Variants in GRM7 observed in about 807,000 individuals in gnomAD.
GRM7 encodes the protein metabotropic glutamate receptor 7.
GRM7 carries 35 observed loss-of-function variants against 84.5 expected under a neutral mutation model. The ratio of observed to expected loss-of-function variants is 0.41; its 90% confidence interval spans 0.32 to 0.55. The LOEUF (loss-of-function observed/expected upper bound fraction) is 0.55. GRM7 is among the 20% of genes least tolerant of loss of function. GRM7 has a pLI of 0.19. For missense variants in GRM7, 1,003 were observed against 1,194.6 expected (o/e 0.84, Z 2.36); for synonymous variants, 487 against 455.1 (o/e 1.07, Z -0.89).
At chr3:7,072,916 A>G (rs1255298890) in intron 1 of GRM7, among the ~76,000 whole-genome samples, 2 of 152,152 alleles carry the variant, frequency 1.3e-5, no homozygotes, top group Non-Finnish European at 2.9e-5. Flanking sequence ...ATAGATTCAG[A>G]TCATGACATT....
At chr3:6,983,347 A>T (rs1387725703) in intron 1 of GRM7, among the ~76,000 whole-genome samples, 1 of 152,166 alleles carries the variant, frequency 6.6e-6, no homozygotes, top group Non-Finnish European at 1.5e-5. Flanking sequence ...TGATATTTTC[A>T]GCCTGGAGGT....
Position 6,861,999 on chromosome 3 carries a change from G to A in GRM7, c.519+92G>A. On this transcript the variant is annotated intron_variant, in intron 1 of 9. Transcript: ENST00000357716. This position sits in a 1 kb window ranked among gnomAD's most constrained non-coding sequence, Gnocchi z 6.4. Reference sequence around the variant, plus strand: ...GCTTGGACTCCGGTGGTGCGGGTCAGGTCAGCCTTCGCTCATTTCCTCCCT... The same window carrying A: ...GCTTGGACTCCGGTGGTGCGGGTCAAGTCAGCCTTCGCTCATTTCCTCCCT... The A allele has an allele frequency of 3.7e-6, 4 of 1,091,730 alleles. No individual in the cohort carries two copies. Among genetic ancestry groups the A allele is most frequent in the South Asian group, 3.1e-5 (2 of 64,482 alleles). The allele number at this position is 1,091,730 out of a possible 1,614,324, so 67.6% of individuals were successfully genotyped here.
At chr3:7,012,232 C>T (rs1320375903) in intron 1 of GRM7, among the ~76,000 whole-genome samples, 1 of 152,154 alleles carries the variant, frequency 6.6e-6, no homozygotes, top group Non-Finnish European at 1.5e-5. Flanking sequence ...TCCTAGTTCA[C>T]TCAAGGCAGC....
rs989958247 is a variant in GRM7, at chr3:7,453,442, T to G, written c.1375+635T>G. 5.3e-5 allele frequency among the ~76,000 whole-genome samples: 8 copies of G among 152,244 alleles called. No individual in the cohort carries two copies. In the East Asian group the frequency reaches 1.5e-3, roughly 29 times the overall value. Reference sequence around the variant, plus strand: ...ATGGTCCGGCTATAAACTGGAATTTTCACAATCTCCTCCTCAGGTTTGATT... The same window carrying G: ...ATGGTCCGGCTATAAACTGGAATTTGCACAATCTCCTCCTCAGGTTTGATT... On this transcript the variant is annotated intron_variant, in intron 6 of 9. Transcript: ENST00000357716.
chr3:6,869,699 A>G (rs1442366706), intron 1 of GRM7, among the ~76,000 whole-genome samples: 5 of 152,038 alleles, frequency 3.3e-5, no homozygotes, highest in Non-Finnish European at 7.4e-5. Flanking sequence ...GCACAGAGAG[A>G]ACATTTTAGT....
intron 2 of GRM7, among the ~76,000 whole-genome samples, chr3:7,162,748 T>A (rs1694669422): frequency 2.6e-5 from 1 of 38,454 alleles, no homozygotes; most frequent in African/African-American, 1.1e-4. Context: ...TTTTTTTTTT[T>A]TTTTTTTTTT....
chr3:6,916,221 T>G (rs1225920352), intron 1 of GRM7, among the ~76,000 whole-genome samples: 1 of 152,178 alleles, frequency 6.6e-6, no homozygotes, highest in Non-Finnish European at 1.5e-5. Flanking sequence ...ATCTTCTGTT[T>G]TGGAAAGCTT....
chr3:7,662,698 A>T (rs1699521008), intron 8 of GRM7, among the ~76,000 whole-genome samples: 1 of 152,252 alleles, frequency 6.6e-6, no homozygotes, highest in Admixed American at 6.5e-5. Context: ...ATAGTTTAGC[A>T]AAAAGCGTAA....
chr3:7,697,835 G>T (rs1338622835), intron 9 of GRM7, among the ~76,000 whole-genome samples: 1 of 152,158 alleles, frequency 6.6e-6, no homozygotes, highest in Non-Finnish European at 1.5e-5. Flanking sequence ...CTTTCACTCA[G>T]CTTTTGGCTT....
intron 9 of GRM7, among the ~76,000 whole-genome samples, chr3:7,717,173 T>C (rs1246852411): frequency 6.6e-6 from 1 of 152,180 alleles, no homozygotes; most frequent in African/African-American, 2.4e-5. Context: ...CACTTTCTTC[T>C]TTCCCATCTA....
intron 1 of GRM7, among the ~76,000 whole-genome samples, chr3:6,925,320 C>T (rs1697261191): frequency 3.3e-5 from 5 of 152,270 alleles, no homozygotes; most frequent in Admixed American, 3.3e-4. Flanking sequence ...TGAATGAATG[C>T]ATGAATTAAT....
chr3:7,256,868 G>A (rs1698228207), intron 2 of GRM7, among the ~76,000 whole-genome samples: 1 of 152,180 alleles, frequency 6.6e-6, no homozygotes, highest in South Asian at 2.1e-4. Context: ...ATTGCTGAGA[G>A]AACCTAAGAT....
intron 7 of GRM7, among the ~76,000 whole-genome samples, chr3:7,527,602 C>A (rs542557153): frequency 6.6e-6 from 1 of 151,934 alleles, no homozygotes; most frequent in South Asian, 2.1e-4. Context: ...TTGTCTTGTT[C>A]CAGTTCTTAG....
chr3:7,416,795 G>T (rs2125183217), intron 5 of GRM7, among the ~76,000 whole-genome samples: 1 of 152,136 alleles, frequency 6.6e-6, no homozygotes, highest in African/African-American at 2.4e-5. Context: ...ATATTGACTA[G>T]ACCTAGGCGA....
intron 1 of GRM7, among the ~76,000 whole-genome samples, chr3:7,092,119 C>T (rs1305863273): frequency 6.6e-6 from 1 of 152,054 alleles, no homozygotes; most frequent in African/African-American, 2.4e-5. Context: ...AGCCATTCTC[C>T]CTCCTCAACC....
chr3:7,368,185 A>C (rs1021390583), intron 4 of GRM7, among the ~76,000 whole-genome samples: 1 of 152,018 alleles, frequency 6.6e-6, no homozygotes, highest in African/African-American at 2.4e-5. Flanking sequence ...TACAAAGACT[A>C]CAAAGGCATT....
chr3:7,663,960 C>T (rs764829218), intron 8 of GRM7, among the ~76,000 whole-genome samples: 6 of 152,186 alleles, frequency 3.9e-5, no homozygotes, highest in East Asian at 3.9e-4. Flanking sequence ...ACTTTGGACT[C>T]GCTTTTATGA....
rs1159594060 is a variant in GRM7 at position 7,740,551 on chromosome 3, G to A, written c.*145G>A. The A allele has an allele frequency of 1.6e-5, 8 of 496,586 alleles. No individual in the cohort carries two copies. Among genetic ancestry groups the A allele is most frequent in the Middle Eastern group, 3.9e-4 (1 of 2,532 alleles). The allele number at this position is 496,586 out of a possible 1,614,324, so 30.8% of individuals were successfully genotyped here. On this transcript the variant is annotated 3_prime_UTR_variant, in exon 10 of 10. Transcript: ENST00000357716. ...GAGACCAGTGTTAGAGGATCCAAGC[G>A]ACCTAAACAGCTGCTTTATGAAATA...
chr3:7,225,352 A>G (rs1303268331), intron 2 of GRM7, among the ~76,000 whole-genome samples: 4 of 148,978 alleles, frequency 2.7e-5, no homozygotes, highest in East Asian at 1.9e-4. Context: ...TATATATACA[A>G]TTTCTTATTT....
Sources: gnomAD v4.1 joint callset for allele counts (sites outside exome capture counted in the v4.1 genomes callset) on GRCh38, gnomAD v4.1.1 for gene constraint, Gnocchi (gnomAD v3.1) non-coding constraint, MANE v1.5 for transcripts, NCBI Gene and HGNC (gene_info 2026-07-23, HGNC 2026-07-21) for gene names.